The following CACNA2D3 variants were observed in gnomAD, a reference collection of about 807,000 sequenced individuals.
CACNA2D3 encodes the protein calcium voltage-gated channel auxiliary subunit alpha2delta 3.
A neutral mutation model predicts 160.6 loss-of-function variants in CACNA2D3; 60 were observed. That is an observed-to-expected ratio of 0.37 (90% CI 0.30 to 0.46). CACNA2D3 has a LOEUF of 0.46. CACNA2D3 is among the 20% of genes least tolerant of loss of function. The pLI is 1.00. For missense variants in CACNA2D3, 1,205 were observed against 1,365.0 expected (o/e 0.88, Z 1.85); for synonymous variants, 558 against 492.9 (o/e 1.13, Z -1.75).
At chr3:54,138,214 A>G (rs537045982) in intron 2 of CACNA2D3, among the ~76,000 whole-genome samples, 2 of 152,314 alleles carry the variant, frequency 1.3e-5, no homozygotes, top group South Asian at 4.1e-4. Context: ...TCTCAACTGC[A>G]TTTGCATTTG....
chr3:54,545,607 C>T (rs139299582), intron 5 of CACNA2D3, among the ~76,000 whole-genome samples: 1 of 152,102 alleles, frequency 6.6e-6, no homozygotes, highest in Non-Finnish European at 1.5e-5. Flanking sequence ...GATACAGTTC[C>T]TTTTATCTGC....
rs184463776 is a variant in CACNA2D3 at position 54,710,832 on chromosome 3, G to T, written c.1168-41767G>T. ...TAGAGACCTTACAACCATTACTATA[G>T]ATTTGCTACCAGTTAGGAGGATATT... On this transcript the variant is annotated intron_variant, in intron 11 of 37. Transcript: ENST00000474759. 1.4e-4 allele frequency among the ~76,000 whole-genome samples: 22 copies of T among 152,252 alleles called. No individual in the cohort carries two copies. The East Asian group carries it at 4.2e-3, about 29-fold the overall frequency.
intron 5 of CACNA2D3, among the ~76,000 whole-genome samples, chr3:54,534,904 G>GCACCAC (rs1325533062): frequency 6.6e-6 from 1 of 152,210 alleles, no homozygotes; most frequent in Non-Finnish European, 1.5e-5. Context: ...TGCAGCCTGG[G>GCACCAC]TGACAGAGCT....
At chr3:54,145,735 A>T (rs1165722883) in intron 2 of CACNA2D3, among the ~76,000 whole-genome samples, 7 of 152,202 alleles carry the variant, frequency 4.6e-5, no homozygotes. Flanking sequence ...ATAGACCAAC[A>T]GGCAACTTTT....
chr3:54,477,890 G>A (rs1473996509), intron 4 of CACNA2D3, among the ~76,000 whole-genome samples: 1 of 152,168 alleles, frequency 6.6e-6, no homozygotes, highest in African/African-American at 2.4e-5. Flanking sequence ...GTGGTAGAGA[G>A]GAGTTAGGGC....
chr3:54,984,599 ATT>A lies in CACNA2D3; in HGVS notation c.2557-6_2557-5del. 6.6e-7 allele frequency: 1 copy of A among 1,508,872 alleles called. No individual in the cohort carries two copies. Among genetic ancestry groups the A allele is most frequent in the South Asian group, 1.2e-5 (1 of 80,644 alleles). 93.5% of individuals were successfully genotyped at this position (1,508,872 alleles called of 1,614,324 possible). A position where few individuals can be genotyped will look rare whatever the true frequency, so the allele number is the denominator to read the frequency against. ...TTTTTTTGTTTTTGTTTTTTTTTTAATTTTCTAGACTGTGAATTGTTACCTCA... is the reference window on the plus strand; with the variant it reads ...TTTTTTTGTTTTTGTTTTTTTTTTAATTCTAGACTGTGAATTGTTACCTCA... On this transcript the variant is annotated splice_region_variant and splice_polypyrimidine_tract_variant and intron_variant, in intron 29 of 37. Coordinates refer to ENST00000474759, the MANE Select transcript of CACNA2D3 (RefSeq NM_018398.3).
intron 9 of CACNA2D3, among the ~76,000 whole-genome samples, chr3:54,597,136 C>T (rs1702970001): frequency 6.6e-6 from 1 of 152,240 alleles, no homozygotes; most frequent in Non-Finnish European, 1.5e-5. Context: ...TTTCCCTTTC[C>T]ACCTGAGATA....
chr3:54,772,176 C>T (rs374774595), intron 13 of CACNA2D3, among the ~76,000 whole-genome samples: 3 of 148,014 alleles, frequency 2.0e-5, no homozygotes, highest in Admixed American at 6.9e-5. Flanking sequence ...ACACTTGTAC[C>T]CAAAAGATGG....
intron 9 of CACNA2D3, among the ~76,000 whole-genome samples, chr3:54,623,622 G>A (rs993535167): frequency 3.9e-5 from 6 of 152,150 alleles, no homozygotes; most frequent in Non-Finnish European, 8.8e-5. Flanking sequence ...ATTAGTCCAT[G>A]GCTTGATAGG....
intron 9 of CACNA2D3, among the ~76,000 whole-genome samples, chr3:54,583,093 C>T (rs1222185284): frequency 1.3e-5 from 2 of 152,126 alleles, no homozygotes; most frequent in African/African-American, 2.4e-5. Flanking sequence ...TTTCTAGAGA[C>T]TTTCCCGTTG....
intron 2 of CACNA2D3, among the ~76,000 whole-genome samples, chr3:54,269,865 A>T (rs1485733286): frequency 2.0e-5 from 3 of 152,228 alleles, no homozygotes; most frequent in Non-Finnish European, 4.4e-5. Flanking sequence ...AAATACAGAA[A>T]ATACTTAGAG....
chr3:54,618,262 A>G (rs896757092), intron 9 of CACNA2D3, among the ~76,000 whole-genome samples: 13 of 151,246 alleles, frequency 8.6e-5, no homozygotes, highest in African/African-American at 2.7e-4. Flanking sequence ...AAAGATGTTT[A>G]CTATAGTAAT....
At chr3:54,262,614 A>C (rs1306803265) in intron 2 of CACNA2D3, among the ~76,000 whole-genome samples, 2 of 151,928 alleles carry the variant, frequency 1.3e-5, no homozygotes, top group African/African-American at 4.8e-5. Flanking sequence ...ATTAAAAAAA[A>C]AATCCATTCA....
chr3:54,574,091 C>T (rs576359408), intron 8 of CACNA2D3, among the ~76,000 whole-genome samples: 10 of 152,248 alleles, frequency 6.6e-5, no homozygotes, highest in African/African-American at 1.2e-4. Context: ...ATTCCATTTA[C>T]GAAAGAGGAC....
chr3:54,323,045 C>G (rs1704040641), intron 3 of CACNA2D3, among the ~76,000 whole-genome samples: 1 of 152,152 alleles, frequency 6.6e-6, no homozygotes, highest in South Asian at 2.1e-4. Context: ...TTTCCCCACG[C>G]CCGTCTTTAA....
intron 6 of CACNA2D3, among the ~76,000 whole-genome samples, chr3:54,567,911 C>T (rs952973471): frequency 1.3e-5 from 2 of 152,134 alleles, no homozygotes; most frequent in Non-Finnish European, 2.9e-5. Context: ...AAGGAATGGA[C>T]GAAGATGCCC....
chr3:54,511,036 C>T (rs374092384), intron 5 of CACNA2D3, among the ~76,000 whole-genome samples: 107 of 152,286 alleles, frequency 7.0e-4, no homozygotes, highest in African/African-American at 2.5e-3. Flanking sequence ...TACCCCATTC[C>T]CCCTCTTCCT....
intron 17 of CACNA2D3, among the ~76,000 whole-genome samples, chr3:54,869,713 C>T (rs1699481363): frequency 6.6e-6 from 1 of 152,176 alleles, no homozygotes; most frequent in Non-Finnish European, 1.5e-5. Context: ...ACACTACTAT[C>T]CCTGCCCCGC....
chr3:54,914,433 C>T (rs1700619154), intron 27 of CACNA2D3, among the ~76,000 whole-genome samples: 1 of 152,228 alleles, frequency 6.6e-6, no homozygotes, highest in Admixed American at 6.5e-5. Flanking sequence ...CTCAGATCCC[C>T]AGTCCTCTGA....
Sources: gnomAD v4.1 joint callset for allele counts (sites outside exome capture counted in the v4.1 genomes callset) on GRCh38, gnomAD v4.1.1 for gene constraint, MANE v1.5 for transcripts, NCBI Gene and HGNC (gene_info 2026-07-23, HGNC 2026-07-21) for gene names.